The following GAN variants were observed in gnomAD, a reference collection of about 807,000 sequenced individuals.
The protein encoded by GAN is gigaxonin.
A neutral mutation model predicts 71.3 loss-of-function variants in GAN; 48 were observed. The observed-to-expected ratio is 0.67, with a 90% CI of 0.53 to 0.86. The LOEUF is 0.86. GAN is among the 40% of genes least tolerant of loss of function. The pLI, the probability that GAN is intolerant of heterozygous loss-of-function variation, is 0.00. For missense variants in GAN, 928 were observed against 770.1 expected (o/e 1.21, Z -2.43); for synonymous variants, 386 against 276.8 (o/e 1.39, Z -3.92).
intron 1 of GAN, among the ~76,000 whole-genome samples, chr16:81,349,873 C>G (rs1036597946): frequency 2.0e-5 from 3 of 152,146 alleles, no homozygotes; most frequent in African/African-American, 7.2e-5. Context: ...GCAGGTAACA[C>G]AGTGTCAATC....
chr16:81,371,976 C>G (rs1911049015), intron 9 of GAN: 1 of 152,256 alleles, frequency 6.6e-6, no homozygotes, highest in South Asian at 2.1e-4. Context: ...TTACTTCTGC[C>G]ATACTGGAAG....
At position 81,365,448 on chromosome 16, in the gene GAN, AG is replaced by A. The variant is rs1350666299; in HGVS notation, c.1473del (p.Lys491AsnfsTer35). ...CAGGGTAGCGAGATGGTAACTTGCAAGTCCGAGTTCTACCATGATGAGTTTA... is the reference window on the plus strand; with the variant it reads ...CAGGGTAGCGAGATGGTAACTTGCAATCCGAGTTCTACCATGATGAGTTTA... Reference protein sequence around the residue: ...DAQGSEMVTCKSEFYHDEFKR... With the variant: ...DAQGSEMVTCXSEFYHDEFKR... On this transcript the variant is annotated frameshift_variant, in exon 9 of 11. Transcript: ENST00000648994. LOFTEE classifies it high-confidence loss of function. 1 of 1,613,804 alleles carries A rather than the reference AG, an allele frequency of 6.2e-7. No individual in the cohort carries two copies. Among genetic ancestry groups the A allele is most frequent in the Non-Finnish European group, 8.5e-7 (1 of 1,179,944 alleles).
At chr16:81,323,827 T>G (rs1285875305) in intron 1 of GAN, among the ~76,000 whole-genome samples, 1 of 152,202 alleles carries the variant, frequency 6.6e-6, no homozygotes, top group East Asian at 1.9e-4. Context: ...CATCCTCTTG[T>G]GCTGCCTGCC....
rs918900159 is a variant in GAN at position 81,381,125 on chromosome 16, G to T, written c.*3529G>T. 1.1e-4 allele frequency: 17 copies of T among 152,188 alleles called. No homozygotes were observed. The East Asian group carries it at 1.2e-3, about 10-fold the overall frequency. The allele number at this position is 152,188 out of a possible 1,614,324, so 9.4% of individuals were successfully genotyped here. A position where few individuals can be genotyped will look rare whatever the true frequency, so the allele number is the denominator to read the frequency against. On this transcript the variant is annotated 3_prime_UTR_variant, in exon 11 of 11. Transcript: ENST00000648994. ...GAAATACATTCTTTGTACAAACGTGGTAAAGAGAGGACTGGCTTTGCTATG... is the reference window on the plus strand; with the variant it reads ...GAAATACATTCTTTGTACAAACGTGTTAAAGAGAGGACTGGCTTTGCTATG...
At chr16:81,317,203 T>G (rs574075100) in intron 1 of GAN, among the ~76,000 whole-genome samples, 6 of 152,246 alleles carry the variant, frequency 3.9e-5, no homozygotes, top group African/African-American at 1.4e-4. Flanking sequence ...CAGAAAGAAC[T>G]GTGCCTATCA....
rs923274104 is a variant in GAN at position 81,315,670 on chromosome 16, C to T, written c.167+390C>T. 1.1e-4 allele frequency among the ~76,000 whole-genome samples: 17 copies of T among 152,180 alleles called. 1 individual carries two copies. Among genetic ancestry groups the T allele is most frequent in the Admixed American group, 7.9e-4 (12 of 15,284 alleles). Reference sequence around the variant, plus strand: ...CACCTGCGGGCTGGGCGAGGCCGCGCCGGGGAAGAGTCACCCCCTCGCCCA... The same window carrying T: ...CACCTGCGGGCTGGGCGAGGCCGCGTCGGGGAAGAGTCACCCCCTCGCCCA... On this transcript the variant is annotated intron_variant, in intron 1 of 10. Transcript: ENST00000648994.
At position 81,386,344 on chromosome 16, in the gene GAN, T is replaced by C. The variant is rs1567504425; in HGVS notation, c.*8748T>C. On this transcript the variant is annotated 3_prime_UTR_variant, in exon 11 of 11. Coordinates refer to ENST00000648994, the MANE Select transcript of GAN (RefSeq NM_022041.4). ...TCTGTTTTAGACCAGTAGACCTAACTGTGCTTTCTTAACTTGGATGTTACA... is the reference window on the plus strand; with the variant it reads ...TCTGTTTTAGACCAGTAGACCTAACCGTGCTTTCTTAACTTGGATGTTACA... The C allele has an allele frequency of 6.6e-6, 1 of 152,246 alleles. No homozygotes were observed. Among genetic ancestry groups the C allele is most frequent in the Admixed American group, 6.5e-5 (1 of 15,286 alleles). 9.4% of individuals were successfully genotyped at this position (152,246 alleles called of 1,614,324 possible). A position where few individuals can be genotyped will look rare whatever the true frequency, so the allele number is the denominator to read the frequency against.
rs1904451346 is a variant in GAN at position 81,387,917 on chromosome 16, T to G, written c.*10321T>G. The G allele has an allele frequency of 2.6e-5, 4 of 152,222 alleles. No individual in the cohort carries two copies. Among genetic ancestry groups the G allele is most frequent in the African/African-American group, 9.6e-5 (4 of 41,460 alleles). The allele number at this position is 152,222 out of a possible 1,614,324, so 9.4% of individuals were successfully genotyped here. On this transcript the variant is annotated 3_prime_UTR_variant, in exon 11 of 11. Transcript: ENST00000648994. ...ATAGGCTGGGATGCACACCATGTCTTCAGAGCTAGCCGGCTGTGTCTTCTC... is the reference window on the plus strand; with the variant it reads ...ATAGGCTGGGATGCACACCATGTCTGCAGAGCTAGCCGGCTGTGTCTTCTC...
rs1044676579 is a variant in GAN at position 81,382,141 on chromosome 16, C to G, written c.*4545C>G. 3 of 152,178 alleles carry G rather than the reference C, an allele frequency of 2.0e-5. No homozygotes were observed. Among genetic ancestry groups the G allele is most frequent in the African/African-American group, 7.2e-5 (3 of 41,430 alleles). 9.4% of individuals were successfully genotyped at this position (152,178 alleles called of 1,614,324 possible). A position where few individuals can be genotyped will look rare whatever the true frequency, so the allele number is the denominator to read the frequency against. On this transcript the variant is annotated 3_prime_UTR_variant, in exon 11 of 11. Transcript: ENST00000648994. ...TCTGGAATAGGCAGGGCACTCTCCCCATTGTACCAGGGTAATCTTGGAGGC... is the reference window on the plus strand; with the variant it reads ...TCTGGAATAGGCAGGGCACTCTCCCGATTGTACCAGGGTAATCTTGGAGGC...
chr16:81,362,083 T>G (rs12597835), intron 5 of GAN, among the ~76,000 whole-genome samples: 32,231 of 152,106 alleles, frequency 0.21, 4,887 homozygotes, highest in East Asian at 0.7. Context: ...GATCCTGTTT[T>G]GAATAGAAAG....
At chr16:81,363,965 A>G in intron 7 of GAN, 22 bp downstream of exon 7, 1 of 1,590,644 alleles carries the variant, frequency 6.3e-7, no homozygotes, top group Non-Finnish European at 8.6e-7. Context: ...ATTTTGTGAT[A>G]ACTAGTCTGT....
intron 1 of GAN, among the ~76,000 whole-genome samples, chr16:81,318,898 G>C (rs571771443): frequency 2.0e-5 from 3 of 152,302 alleles, no homozygotes; most frequent in African/African-American, 7.2e-5. Context: ...GACCTCCTGC[G>C]GTCCCTCAGC....
Position 81,385,058 on chromosome 16 carries a change from T to TTTAC in GAN, c.*7462_*7463insTTAC, listed in dbSNP as rs1904361061. 1.9e-5 allele frequency: 3 copies of TTTAC among 154,274 alleles called. No individual in the cohort carries two copies. In the Admixed American group the frequency reaches 2.0e-4, roughly 10 times the overall value. The allele number at this position is 154,274 out of a possible 1,614,324, so 9.6% of individuals were successfully genotyped here. On this transcript the variant is annotated 3_prime_UTR_variant, in exon 11 of 11. Coordinates refer to ENST00000648994, the MANE Select transcript of GAN (RefSeq NM_022041.4). Reference sequence around the variant, plus strand: ...GGTATAACTTAAGCACCAGGTAAAATCTGGTGCTTAAGTTGTACCAAGTAT... The same window carrying TTTAC: ...GGTATAACTTAAGCACCAGGTAAAATTTACCTGGTGCTTAAGTTGTACCAAGTAT...
chr16:81,354,570 C>A lies in GAN; in HGVS notation c.448C>A (p.His150Asn). ...ACTACATTACTGCCTCCATCACGTT[C>A]ATTACCTTGCCACAGAATACCTGGA... is the stretch of plus-strand genomic sequence containing the variant. ...FALHYCLHHV[H>N]YLATEYLETH... The change falls in exon 3 of 11, where the codon CAT (histidine) becomes AAT (asparagine). Residue 150 changes from histidine to asparagine, a missense_variant. Transcript: ENST00000648994. 6.2e-7 allele frequency: 1 copy of A among 1,614,154 alleles called. No individual in the cohort carries two copies. The highest frequency in any genetic ancestry group is 8.5e-7 in the Non-Finnish European group (1 of 1,180,004).
intron 9 of GAN, among the ~76,000 whole-genome samples, chr16:81,369,583 C>T (rs895005939): frequency 6.6e-6 from 1 of 152,206 alleles, no homozygotes; most frequent in Non-Finnish European, 1.5e-5. Flanking sequence ...TTCTACATTA[C>T]TCATGGTAGA....
Position 81,384,123 on chromosome 16 carries a change from C to A in GAN, c.*6527C>A, listed in dbSNP as rs752830901. ...AATTACATGCACTTATTCAGTTGTT[C>A]TTTGTGTTTATAGGAAAAACTCTGT... On this transcript the variant is annotated 3_prime_UTR_variant, in exon 11 of 11. Transcript: ENST00000648994. 6.6e-5 allele frequency: 10 copies of A among 151,822 alleles called. No individual in the cohort carries two copies. The highest frequency in any genetic ancestry group is 1.2e-4 in the Non-Finnish European group (8 of 67,980). 9.4% of individuals were successfully genotyped at this position (151,822 alleles called of 1,614,324 possible).
At chr16:81,348,125 C>G (rs950514595) in intron 1 of GAN, among the ~76,000 whole-genome samples, 7 of 152,172 alleles carry the variant, frequency 4.6e-5, no homozygotes, top group African/African-American at 1.7e-4. Flanking sequence ...TAGGCATGAG[C>G]CATGTGCTCA....
chr16:81,322,189 C>G (rs1382172906), intron 1 of GAN, among the ~76,000 whole-genome samples: 1 of 152,178 alleles, frequency 6.6e-6, no homozygotes, highest in African/African-American at 2.4e-5. Flanking sequence ...AATAGAAATA[C>G]GTAGTACTTT....
At chr16:81,343,286 C>G (rs1185480089) in intron 1 of GAN, among the ~76,000 whole-genome samples, 2 of 152,130 alleles carry the variant, frequency 1.3e-5, no homozygotes, top group Admixed American at 6.5e-5. Context: ...CAGCATCATC[C>G]TGATACCAAA....
Sources: gnomAD v4.1 joint callset for allele counts (sites outside exome capture counted in the v4.1 genomes callset) on GRCh38, gnomAD v4.1.1 for gene constraint, MANE v1.5 for transcripts, NCBI Gene and HGNC (gene_info 2026-07-23, HGNC 2026-07-21) for gene names.